The following TTC6 variants were observed in gnomAD, a reference collection of about 807,000 sequenced individuals.
The protein encoded by TTC6 is tetratricopeptide repeat domain 6.
Under a neutral mutation model 210.4 loss-of-function variants are expected in TTC6, and 172 were observed. The ratio of observed to expected loss-of-function variants is 0.82; its 90% CI spans 0.72 to 0.93. The LOEUF (loss-of-function observed/expected upper bound fraction) is 0.93, where lower values mean the gene tolerates loss of function less well. TTC6 is among the 40% of genes least tolerant of loss of function. TTC6 has a pLI of 0.00. For missense variants in TTC6, 2,414 were observed against 2,318.1 expected (o/e 1.04, Z -0.85); for synonymous variants, 804 against 819.6 (o/e 0.98, Z 0.32).
In TTC6 at chr14:37,828,218, A is replaced by T. The variant is rs1177712637; in HGVS notation, c.5298+852A>T. ...GATGATGATATTTTCTATTTTTTGAATTTATTTCATTTGAATCATAATGCA... is the reference window on the plus strand; with the variant it reads ...GATGATGATATTTTCTATTTTTTGATTTTATTTCATTTGAATCATAATGCA... On this transcript the variant is annotated intron_variant, in intron 29 of 30. Coordinates refer to ENST00000553443, the Ensembl canonical transcript of TTC6. 1.1e-4 allele frequency among the ~76,000 whole-genome samples: 17 copies of T among 152,106 alleles called. No individual in the cohort carries two copies. In the East Asian group the frequency reaches 3.3e-3, roughly 29 times the overall value.
intron 21 of TTC6, among the ~76,000 whole-genome samples, chr14:37,806,040 T>A (rs1328525149): frequency 6.6e-6 from 1 of 152,134 alleles, no homozygotes; most frequent in Non-Finnish European, 1.5e-5. Context: ...TGGATCCTAA[T>A]GAAAAATAAA....
chr14:37,719,361 A>G (rs1279146591), intron 6 of TTC6, among the ~76,000 whole-genome samples: 1 of 152,114 alleles, frequency 6.6e-6, no homozygotes, highest in Non-Finnish European at 1.5e-5. Flanking sequence ...AGAGTATTCT[A>G]AAGTTTGTAT....
intron 5 of TTC6, among the ~76,000 whole-genome samples, chr14:37,710,220 A>G (rs1311541300): frequency 2.0e-5 from 3 of 152,136 alleles, no homozygotes. Context: ...GAGATAGTGA[A>G]GCTGTGATGG....
At chr14:37,821,272 T>C (rs772307758) in intron 26 of TTC6, among the ~76,000 whole-genome samples, 2 of 152,056 alleles carry the variant, frequency 1.3e-5, no homozygotes, top group Non-Finnish European at 2.9e-5. Context: ...TTTCACCATG[T>C]TGGGCAAGCT....
At chr14:37,624,751 A>G (rs1183918477) in intron 1 of TTC6, among the ~76,000 whole-genome samples, 2 of 151,852 alleles carry the variant, frequency 1.3e-5, no homozygotes, top group African/African-American at 2.4e-5. Context: ...CCTCCCAAGT[A>G]GCTGGGACTA....
chr14:37,677,350 G>A (rs1484707329), intron 1 of TTC6, among the ~76,000 whole-genome samples: 1 of 151,816 alleles, frequency 6.6e-6, no homozygotes, highest in African/African-American at 2.4e-5. Flanking sequence ...TTTATAGATT[G>A]TTCATTGTTT....
At chr14:37,615,590 T>C (rs2095641444) in intron 2 of TTC6, among the ~76,000 whole-genome samples, 1 of 152,082 alleles carries the variant, frequency 6.6e-6, no homozygotes. Flanking sequence ...TATTTTCAGG[T>C]ATAAAATTTC....
At chr14:37,795,616 C>G (rs770845849) in intron 18 of TTC6, among the ~76,000 whole-genome samples, 13 of 152,122 alleles carry the variant, frequency 8.5e-5, no homozygotes, top group Non-Finnish European at 5.9e-5. Flanking sequence ...TTTTAAGCGA[C>G]TAGTCATATG....
At chr14:37,796,365 A>T in exon 19 of TTC6, 1 of 1,181,628 alleles carries the variant, frequency 8.5e-7, no homozygotes, top group Non-Finnish European at 1.2e-6. Flanking sequence ...GCAGAAATGG[A>T]CAAAGGTAAG....
At chr14:37,717,487 C>T (rs1032409797) in intron 6 of TTC6, among the ~76,000 whole-genome samples, 6 of 152,054 alleles carry the variant, frequency 3.9e-5, no homozygotes, top group African/African-American at 1.4e-4. Flanking sequence ...CAAACTACCA[C>T]AACTCACCCA....
intron 10 of TTC6, among the ~76,000 whole-genome samples, chr14:37,742,862 G>A (rs1247685570): frequency 2.0e-5 from 3 of 152,106 alleles, no homozygotes; most frequent in Admixed American, 6.6e-5. Flanking sequence ...TGACTAGGCC[G>A]AGCTACTTAA....
chr14:37,635,401 A>C (rs1244071030), intron 1 of TTC6, among the ~76,000 whole-genome samples: 1 of 152,246 alleles, frequency 6.6e-6, no homozygotes, highest in Non-Finnish European at 1.5e-5. Flanking sequence ...GCAGGTACAA[A>C]CAGAAAGAAC....
chr14:37,791,926 A>G (rs541872182), intron 16 of TTC6, among the ~76,000 whole-genome samples: 126 of 152,260 alleles, frequency 8.3e-4, no homozygotes, highest in Middle Eastern at 3.4e-3. Context: ...ACATAGCCTG[A>G]GGTAAAGACT....
chr14:37,762,882 C>CTTTTTTTTTTTTTTT (rs369694046), intron 14 of TTC6, among the ~76,000 whole-genome samples: 3 of 129,592 alleles, frequency 2.3e-5, no homozygotes, highest in Non-Finnish European at 4.9e-5. Flanking sequence ...CTTTTCTTTT[C>CTTTTTTTTTTTTTTT]TTTTTTTTTT....
At chr14:37,622,803 G>T in exon 1 of TTC6, 1 of 1,534,320 alleles carries the variant, frequency 6.5e-7, no homozygotes, top group Non-Finnish European at 8.7e-7. Context: ...GGGGTTAGGA[G>T]CCCAGGGAGA....
intron 26 of TTC6, among the ~76,000 whole-genome samples, chr14:37,822,962 C>T (rs2096161408): frequency 6.6e-6 from 1 of 152,122 alleles, no homozygotes; most frequent in African/African-American, 2.4e-5. Context: ...AGCACAGTAC[C>T]TGGTAAGTAA....
At chr14:37,746,027 C>CT (rs2095934872) in intron 10 of TTC6, among the ~76,000 whole-genome samples, 1 of 152,212 alleles carries the variant, frequency 6.6e-6, no homozygotes. Flanking sequence ...TATCTCATCT[C>CT]TAAGCACCTT....
At chr14:37,665,731 A>G (rs1019656795) in intron 1 of TTC6, among the ~76,000 whole-genome samples, 8 of 150,654 alleles carry the variant, frequency 5.3e-5, no homozygotes, top group African/African-American at 1.9e-4. Context: ...TGTGAGAAGA[A>G]CACAAGCAAG....
intron 14 of TTC6, among the ~76,000 whole-genome samples, chr14:37,777,103 G>T (rs61660750): frequency 0.013 from 1,995 of 152,172 alleles, 26 homozygotes; most frequent in African/African-American, 0.039. Context: ...GTAGTATTTT[G>T]CAGGGGTTCT....
Sources: allele counts gnomAD v4.1 joint callset (sites outside exome capture counted in the v4.1 genomes callset), GRCh38; gene constraint gnomAD v4.1.1; transcripts MANE v1.5; gene names NCBI Gene and HGNC (gene_info 2026-07-23, HGNC 2026-07-21).